The following ANKS1B variants were observed in gnomAD, a reference collection of about 807,000 sequenced individuals.
The protein encoded by ANKS1B is ankyrin repeat and sterile alpha motif domain-containing protein 1B.
Under a neutral mutation model 148.3 loss-of-function variants are expected in ANKS1B, and 36 were observed. The observed-to-expected ratio is 0.24, with a 90% CI of 0.19 to 0.32. The LOEUF (loss-of-function observed/expected upper bound fraction) is 0.32, where lower values mean the gene tolerates loss of function less well. Ranked by LOEUF, ANKS1B falls within the 10% of genes least tolerant of loss-of-function variation. The probability of loss-of-function intolerance (pLI) is 1.00; values close to 1 mark genes in which losing one functional copy is unlikely to be tolerated. For synonymous variants in ANKS1B, 542 were observed against 560.8 expected (o/e 0.97, Z 0.47); for missense variants, 1,157 against 1,542.6 (o/e 0.75, Z 4.19).
At position 99,263,986 on chromosome 12, in the gene ANKS1B, A is replaced by C. The variant is rs193281346; in HGVS notation, c.1757-17122T>G. On this transcript the variant is annotated intron_variant, in intron 12 of 26. Transcript: ENST00000683438. ...ACCTTGGCTGGGCATACAATTCTTG[A>C]ATCTCAAGTTCAAATCCATTGCCCT... Among the ~76,000 whole-genome samples, 270 of 152,272 alleles carry C rather than the reference A, an allele frequency of 1.8e-3. 2 individuals are homozygous for C. Among genetic ancestry groups the C allele is most frequent in the African/African-American group, 6.3e-3 (260 of 41,562 alleles).
chr12:99,698,377 A>G (rs2054251554), intron 8 of ANKS1B, among the ~76,000 whole-genome samples: 3 of 152,078 alleles, frequency 2.0e-5, no homozygotes, highest in Admixed American at 1.3e-4. Context: ...TTGTACAGCA[A>G]TTTAAGTGTG....
intron 7 of ANKS1B, among the ~76,000 whole-genome samples, chr12:99,774,789 ACACAC>A: frequency 6.6e-6 from 1 of 151,042 alleles, no homozygotes; most frequent in Admixed American, 6.6e-5. Flanking sequence ...ACATTTATAT[ACACAC>A]TACACAAACA....
chr12:99,757,989 T>G (rs1437445360), intron 8 of ANKS1B, among the ~76,000 whole-genome samples: 1 of 151,882 alleles, frequency 6.6e-6, no homozygotes, highest in Non-Finnish European at 1.5e-5. Flanking sequence ...CAATGGGTAC[T>G]AGACTAATAG....
intron 11 of ANKS1B, among the ~76,000 whole-genome samples, chr12:99,433,196 C>A (rs1399669510): frequency 6.6e-6 from 1 of 151,876 alleles, no homozygotes; most frequent in Non-Finnish European, 1.5e-5. Flanking sequence ...TCTCAAGATC[C>A]CTTGATGCCC....
chr12:99,586,273 T>C (rs2153231902), intron 9 of ANKS1B, among the ~76,000 whole-genome samples: 2 of 152,236 alleles, frequency 1.3e-5, no homozygotes, highest in Middle Eastern at 6.8e-3. Flanking sequence ...GCTCCACAGA[T>C]CTCTAGGGCA....
At chr12:98,837,332 G>A (rs1222430134) in intron 17 of ANKS1B, among the ~76,000 whole-genome samples, 1 of 140,402 alleles carries the variant, frequency 7.1e-6, no homozygotes, top group Non-Finnish European at 1.5e-5. Flanking sequence ...GCAAGACTCT[G>A]TCTCAGAAAA....
At chr12:99,625,148 C>T (rs1308089568) in intron 9 of ANKS1B, among the ~76,000 whole-genome samples, 2 of 151,986 alleles carry the variant, frequency 1.3e-5, no homozygotes, top group African/African-American at 2.4e-5. Flanking sequence ...AATGCAGAAA[C>T]AGAAAACCAA....
intron 12 of ANKS1B, among the ~76,000 whole-genome samples, chr12:99,394,316 T>C (rs2094172385): frequency 6.6e-6 from 1 of 152,182 alleles, no homozygotes; most frequent in African/African-American, 2.4e-5. Context: ...TTCATGCTCC[T>C]GTCCAAAACC....
At chr12:99,006,617 T>C (rs1365568502) in intron 17 of ANKS1B, among the ~76,000 whole-genome samples, 1 of 152,192 alleles carries the variant, frequency 6.6e-6, no homozygotes, top group Non-Finnish European at 1.5e-5. Flanking sequence ...TTGCAAATCC[T>C]GCTATGTGTG....
At chr12:98,767,132 T>G (rs2098494088) in intron 25 of ANKS1B, among the ~76,000 whole-genome samples, 1 of 152,044 alleles carries the variant, frequency 6.6e-6, no homozygotes, top group Admixed American at 6.6e-5. Context: ...GAATTTAAAT[T>G]TTATTAAACT....
chr12:99,638,424 G>A (rs1463466414), intron 9 of ANKS1B, among the ~76,000 whole-genome samples: 1 of 152,172 alleles, frequency 6.6e-6, no homozygotes, highest in African/African-American at 2.4e-5. Context: ...GAACTTGTTG[G>A]GAACTGCAAT....
intron 1 of ANKS1B, among the ~76,000 whole-genome samples, chr12:99,850,281 G>GTCTCCCCC: frequency 8.8e-6 from 1 of 114,260 alleles, no homozygotes; most frequent in South Asian, 2.7e-4. Flanking sequence ...AAGCAAGAAA[G>GTCTCCCCC]TCTCTCTCTC....
chr12:99,422,104 A>C lies in ANKS1B; in HGVS notation c.1575+21569T>G, dbSNP rs536492387. ...AATCTGTTTTCTTTATAAATTACCC[A>C]GCAAAGCAGGCATTTCTTTAGAGCA... On this transcript the variant is annotated intron_variant, in intron 11 of 26. Transcript: ENST00000683438. 1.1e-4 allele frequency among the ~76,000 whole-genome samples: 17 copies of C among 152,358 alleles called. No homozygotes were observed. In the South Asian group the frequency reaches 2.1e-3, roughly 19 times the overall value.
At chr12:98,815,032 G>A in intron 19 of ANKS1B, among the ~76,000 whole-genome samples, 1 of 152,122 alleles carries the variant, frequency 6.6e-6, no homozygotes, top group Non-Finnish European at 1.5e-5. Flanking sequence ...AAAATAAAAA[G>A]AATATAACCA....
At chr12:99,959,227 A>ATTTTTTTTTTTTTTTTTTTTT (rs71088166) in intron 1 of ANKS1B, among the ~76,000 whole-genome samples, 2 of 99,896 alleles carry the variant, frequency 2.0e-5, no homozygotes, top group Non-Finnish European at 3.7e-5. Context: ...CACCCAGTTA[A>ATTTTTTTTTTTTTTTTTTTTT]TTTTTTTTTT....
At chr12:99,843,960 G>T (rs1247699980) in intron 1 of ANKS1B, among the ~76,000 whole-genome samples, 1 of 151,976 alleles carries the variant, frequency 6.6e-6, no homozygotes. Flanking sequence ...GGTGTGAGAT[G>T]GTATCTCATG....
At chr12:99,386,428 C>T (rs1368551023) in intron 12 of ANKS1B, 1 of 151,956 alleles carries the variant, frequency 6.6e-6, no homozygotes, top group Non-Finnish European at 1.5e-5. Flanking sequence ...TTCCCAACCT[C>T]ATAAATGGCT....
chr12:98,797,923 TA>T (rs2098964729), intron 22 of ANKS1B, among the ~76,000 whole-genome samples: 2 of 152,214 alleles, frequency 1.3e-5, no homozygotes, highest in Non-Finnish European at 2.9e-5. Flanking sequence ...TTAGATGCTA[TA>T]TTGAACAAGT....
At chr12:99,717,867 T>A (rs955348156) in intron 8 of ANKS1B, among the ~76,000 whole-genome samples, 1 of 147,050 alleles carries the variant, frequency 6.8e-6, no homozygotes, top group Non-Finnish European at 1.5e-5. Context: ...CTCTTAAAAC[T>A]CCCCAACTCT....
Sources: allele counts gnomAD v4.1 joint callset (sites outside exome capture counted in the v4.1 genomes callset), GRCh38; gene constraint gnomAD v4.1.1; transcripts MANE v1.5; gene names NCBI Gene and HGNC (gene_info 2026-07-23, HGNC 2026-07-21).